The following RNF31 variants were observed in gnomAD, a reference collection of about 807,000 sequenced individuals.
The protein encoded by RNF31 is E3 ubiquitin-protein ligase RNF31.
Under a neutral mutation model 133.6 loss-of-function variants are expected in RNF31, and 38 were observed. The ratio of observed to expected loss-of-function variants is 0.28; its 90% CI spans 0.22 to 0.37. The LOEUF (loss-of-function observed/expected upper bound fraction) is 0.37, where lower values mean the gene tolerates loss of function less well. Among genes scored for constraint, RNF31 ranks in the 10% least tolerant of loss-of-function variants. The pLI is 1.00. For synonymous variants in RNF31, 582 were observed against 552.3 expected (o/e 1.05, Z -0.75); for missense variants, 1,118 against 1,394.1 (o/e 0.80, Z 3.15).
Position 24,147,995 on chromosome 14 carries a change from C to G in RNF31, c.212C>G (p.Thr71Ser). 6.2e-7 allele frequency: 1 copy of G among 1,613,792 alleles called. No homozygotes were observed. The highest frequency in any genetic ancestry group is 8.5e-7 in the Non-Finnish European group (1 of 1,180,028). Residue 71 changes from threonine (T) to serine (S), a missense_variant, in exon 2 of 21, where the codon ACC becomes AGC. By Grantham distance (58) the Thr-to-Ser change is moderately conservative (BLOSUM62 1). This residue lies in a region of RNF31 where 747 missense variants were observed against 827.9 expected (regional missense o/e 0.90). Coordinates refer to ENST00000324103, the MANE Select transcript of RNF31 (RefSeq NM_017999.5). Reference sequence around the variant, plus strand: ...TCCCAGCCCCGAAACTACCTCAACACCCTGTCCACGGCTCTGAACATCCTG... The same window carrying G: ...TCCCAGCCCCGAAACTACCTCAACAGCCTGTCCACGGCTCTGAACATCCTG... ...AHGEPRNYLNTLSTALNILEK... is the reference protein window; with the variant it reads ...AHGEPRNYLNSLSTALNILEK...
At position 24,148,894 on chromosome 14, in the gene RNF31, T is replaced by C. The variant is rs1348476508; in HGVS notation, c.631+18T>C. Reference sequence around the variant, plus strand: ...TGTCCCAGGTATTATTGGTCCTAAATTGGGGACCAGGTAGGAAGCTATATT... The same window carrying C: ...TGTCCCAGGTATTATTGGTCCTAAACTGGGGACCAGGTAGGAAGCTATATT... On this transcript the variant is annotated intron_variant, in intron 5 of 20. Coordinates refer to ENST00000324103, the MANE Select transcript of RNF31 (RefSeq NM_017999.5). The C allele has an allele frequency of 6.2e-7, 1 of 1,607,772 alleles. No homozygotes were observed. Among genetic ancestry groups the C allele is most frequent in the Admixed American group, 1.7e-5 (1 of 60,032 alleles).
chr14:24,157,162 T>C, intron 14 of RNF31, 128 bp from the exon 15 acceptor site: 1 of 634,010 alleles, frequency 1.6e-6, no homozygotes. Flanking sequence ...TTTTGAGATC[T>C]GAGCAAATGG....
rs1566614334 is a variant in RNF31 at position 24,151,837 on chromosome 14, G to T, written c.1975G>T (p.Ala659Ser). The T allele has an allele frequency of 6.2e-7, 1 of 1,613,942 alleles. No individual in the cohort carries two copies. Among genetic ancestry groups the T allele is most frequent in the Non-Finnish European group, 8.5e-7 (1 of 1,179,944 alleles). ...AVYALPSWGR[A>S]ELALSLLQET... is the part of the protein sequence containing the mutation. Reference sequence around the variant, plus strand: ...CTACGCACTCCCCAGCTGGGGCCGGGCAGAGCTGGCACTGTCACTGCTGCA... The same window carrying T: ...CTACGCACTCCCCAGCTGGGGCCGGTCAGAGCTGGCACTGTCACTGCTGCA... Residue 659 changes from alanine to serine, a missense_variant, in exon 11 of 21, where the codon GCA (alanine) becomes TCA (serine). Coordinates refer to ENST00000324103, the MANE Select transcript of RNF31 (RefSeq NM_017999.5). The surrounding 1 kb of genome is among the most constrained non-coding windows in gnomAD (Gnocchi z 5.3).
intron 18 of RNF31, chr14:24,158,523 T>C (rs2038381024): frequency 5.1e-6 from 2 of 388,602 alleles, no homozygotes; most frequent in Non-Finnish European, 9.4e-6. Flanking sequence ...AGGGCACTGT[T>C]TTAGGTTCCA....
At chr14:24,147,363 A>G, upstream of RNF31, 1 of 247,168 alleles carries the variant, frequency 4.0e-6, no homozygotes, top group South Asian at 1.6e-4. Flanking sequence ...AGGAGCCAGG[A>G]GCCATTTGCC....
chr14:24,158,029 G>GAGA lies in RNF31; in HGVS notation c.2841+25_2841+27dup. 6.2e-7 allele frequency: 1 copy of GAGA among 1,613,390 alleles called. No homozygotes were observed. The highest frequency in any genetic ancestry group is 8.5e-7 in the Non-Finnish European group (1 of 1,179,338). ...TGCTACAGGTCAGAGGTGGCCAGGA[G>GAGA]AGAAGAAGACAGGGCCCAGGGTGGG... On this transcript the variant is annotated intron_variant, in intron 17 of 20. Coordinates refer to ENST00000324103, the MANE Select transcript of RNF31 (RefSeq NM_017999.5).
Position 24,160,472 on chromosome 14 carries a change from T to C in RNF31, c.3166-48T>C. The stretch of plus-strand genomic sequence containing the variant: ...CAGAAGTCACCTGGTGCTGACTGTG[T>C]CTGAGCTCCAGGCTTCCAATATCAT... On this transcript the variant is annotated intron_variant, in intron 20 of 20. Coordinates refer to ENST00000324103, the MANE Select transcript of RNF31 (RefSeq NM_017999.5). This position sits in a 1 kb window ranked among gnomAD's most constrained non-coding sequence, Gnocchi z 4.0. The C allele has an allele frequency of 3.8e-6, 6 of 1,578,440 alleles. No individual in the cohort carries two copies. The highest frequency in any genetic ancestry group is 5.2e-6 in the Non-Finnish European group (6 of 1,157,400).
intron 14 of RNF31, among the ~76,000 whole-genome samples, chr14:24,156,789 AAAG>A (rs1049994787): frequency 1.1e-4 from 16 of 152,190 alleles, no homozygotes; most frequent in Non-Finnish European, 1.9e-4. Flanking sequence ...AAAAAAAAAA[AAAG>A]AAGTGTAATA....
At chr14:24,157,730 A>C in intron 16 of RNF31, 92 bp downstream of exon 16, 1 of 1,214,060 alleles carries the variant, frequency 8.2e-7, no homozygotes, top group Non-Finnish European at 1.2e-6. Context: ...CCCGGGGAAG[A>C]GAAGAGGTCA....
At position 24,151,899 on chromosome 14, in the gene RNF31, A is replaced by G. The variant is rs2038272618; in HGVS notation, c.2037A>G (p.Val679=). The change falls in exon 11 of 21, where the codon GTA becomes GTG. Residue 679 remains valine, a synonymous_variant. Coordinates refer to ENST00000324103, the MANE Select transcript of RNF31 (RefSeq NM_017999.5). The surrounding 1 kb of genome is among the most constrained non-coding windows in gnomAD (Gnocchi z 5.3). The part of the protein sequence containing the change: ...TPRNYELGDV[V]EAVRHSQDRA... ...GGAACTATGAGTTGGGGGATGTGGT[A>G]GAAGCTGTGAGGCACAGCCAGGACC... 2.5e-6 allele frequency: 4 copies of G among 1,614,082 alleles called. No individual in the cohort carries two copies. In the South Asian group the frequency reaches 4.4e-5, roughly 18 times the overall value.
chr14:24,157,737 G>A, intron 16 of RNF31, 99 bp downstream of exon 16: 2 of 1,175,332 alleles, frequency 1.7e-6, no homozygotes, highest in Non-Finnish European at 2.5e-6. Flanking sequence ...AAGAGAAGAG[G>A]TCAACGGGAT....
At position 24,157,922 on chromosome 14, in the gene RNF31, G is replaced by A. The variant is rs968108596; in HGVS notation, c.2752G>A (p.Val918Met). ...KNKCPEPNCR[V>M]KKSLHGHHPR... Reference sequence around the variant, plus strand: ...GAAATGTCCAGAGCCTAACTGCAGGGTGAAAAAGTCCCTGCACGGCCACCA... The same window carrying A: ...GAAATGTCCAGAGCCTAACTGCAGGATGAAAAAGTCCCTGCACGGCCACCA... The change falls in exon 17 of 21, where the codon GTG becomes ATG. Residue 918 changes from valine to methionine, a missense_variant. Physicochemically the swap from Val to Met is conservative, Grantham distance 21. Transcript: ENST00000324103. 5 of 1,613,954 alleles carry A rather than the reference G, an allele frequency of 3.1e-6. No individual in the cohort carries two copies. The African/African-American group carries it at 4.0e-5, about 13-fold the overall frequency.
Position 24,160,627 on chromosome 14 carries a change from T to C in RNF31, c.*54T>C. On this transcript the variant is annotated 3_prime_UTR_variant, in exon 21 of 21. Coordinates refer to ENST00000324103, the MANE Select transcript of RNF31 (RefSeq NM_017999.5). The surrounding 1 kb of genome is among the most constrained non-coding windows in gnomAD (Gnocchi z 4.0). ...CATGGCCTGCTCCCTCAGGAACAGC[T>C]CCAGCACCAATAAAGAGGCATCTTA... 1 of 1,352,822 alleles carries C rather than the reference T, an allele frequency of 7.4e-7. No individual in the cohort carries two copies. The highest frequency in any genetic ancestry group is 9.8e-7 in the Non-Finnish European group (1 of 1,020,800). 83.8% of individuals were successfully genotyped at this position (1,352,822 alleles called of 1,614,324 possible).
chr14:24,151,948 G>A lies in RNF31; in HGVS notation c.2086G>A (p.Ala696Thr). The change falls in exon 11 of 21, where the codon GCC (alanine) becomes ACC (threonine). Residue 696 changes from alanine (A) to threonine (T), a missense_variant. Physicochemically the swap from Ala to Thr is moderately conservative, Grantham distance 58 (BLOSUM62 0). Around this residue, in one of 3 missense-constraint regions of RNF31, gnomAD observed 201 missense variants for 371.7 expected, o/e 0.54. Coordinates refer to ENST00000324103, the MANE Select transcript of RNF31 (RefSeq NM_017999.5). This position sits in a 1 kb window ranked among gnomAD's most constrained non-coding sequence, Gnocchi z 5.3. Reference protein sequence around the residue: ...QDRAFLRRLLAQECAVCGWAL... With the variant: ...QDRAFLRRLLTQECAVCGWAL... ...CCGGGCCTTCCTGCGCCGCTTGCTT[G>A]CCCAGGAGTGTGCCGTGTGTGGCTG... The A allele has an allele frequency of 6.2e-7, 1 of 1,614,136 alleles. No homozygotes were observed. The highest frequency in any genetic ancestry group is 8.5e-7 in the Non-Finnish European group (1 of 1,180,016).
intron 15 of RNF31, 47 bp downstream of exon 15, chr14:24,157,451 C>G (rs1238807926): frequency 6.2e-7 from 1 of 1,601,998 alleles, no homozygotes; most frequent in African/African-American, 1.3e-5. Context: ...CTGTCATTGC[C>G]AGCAGCTCTC....
Position 24,148,893 on chromosome 14 carries a change from A to T in RNF31, c.631+17A>T, listed in dbSNP as rs1262204690. ...CTGTCCCAGGTATTATTGGTCCTAA[A>T]TTGGGGACCAGGTAGGAAGCTATAT... is the stretch of plus-strand genomic sequence containing the variant. On this transcript the variant is annotated intron_variant, in intron 5 of 20. Transcript: ENST00000324103. 6.2e-7 allele frequency: 1 copy of T among 1,606,738 alleles called. No individual in the cohort carries two copies. Among genetic ancestry groups the T allele is most frequent in the Non-Finnish European group, 8.5e-7 (1 of 1,173,276 alleles).
intron 6 of RNF31, 113 bp downstream of exon 6, chr14:24,149,696 C>G: frequency 9.6e-7 from 1 of 1,045,450 alleles, no homozygotes; most frequent in Non-Finnish European, 1.4e-6. Context: ...GGACAAGTAG[C>G]CAGTCAGAAC....
In RNF31 at chr14:24,157,554, C is replaced by T. The variant is rs754802451; in HGVS notation, c.2643C>T (p.Ala881=). 1.9e-6 allele frequency: 3 copies of T among 1,614,046 alleles called. No individual in the cohort carries two copies. The African/African-American group carries it at 4.0e-5, about 22-fold the overall frequency. The change falls in exon 16 of 21, where the codon GCC becomes GCT. Residue 881 remains alanine (A), a synonymous_variant. Coordinates refer to ENST00000324103, the MANE Select transcript of RNF31 (RefSeq NM_017999.5). Reference sequence around the variant, plus strand: ...AATGCAAGTTCTCGTACGCCCTGGCCCGAGGAGGCTGCATGCACTTTCACT... The same window carrying T: ...AATGCAAGTTCTCGTACGCCCTGGCTCGAGGAGGCTGCATGCACTTTCACT... ...CPKCKFSYAL[A]RGGCMHFHCT...
In RNF31 at chr14:24,151,763, C is replaced by A. The variant is rs191481441; in HGVS notation, c.1924-23C>A. The A allele has an allele frequency of 2.5e-6, 4 of 1,601,296 alleles. No homozygotes were observed. The South Asian group carries it at 3.3e-5, about 13-fold the overall frequency. The stretch of plus-strand genomic sequence containing the variant: ...CCCTGGAGTCTGACAGCACTTCCCC[C>A]CTCCACCTGAATCATATTGCAGAGC... On this transcript the variant is annotated intron_variant, in intron 10 of 20. Transcript: ENST00000324103. This position sits in a 1 kb window ranked among gnomAD's most constrained non-coding sequence, Gnocchi z 5.3.
Sources: allele counts gnomAD v4.1 joint callset (sites outside exome capture counted in the v4.1 genomes callset), GRCh38; gene constraint gnomAD v4.1.1; regional missense constraint gnomAD v4.1.1; non-coding constraint Gnocchi (gnomAD v3.1); transcripts MANE v1.5; gene names NCBI Gene and HGNC (gene_info 2026-07-23, HGNC 2026-07-21).